AUTS2: variants seen among roughly 807,000 people sequenced by gnomAD.
The protein encoded by AUTS2 is activator of transcription and developmental regulator AUTS2.
A neutral mutation model predicts 112.4 loss-of-function variants in AUTS2; 17 were observed. That is an observed-to-expected ratio of 0.15 (90% CI 0.10 to 0.23). The LOEUF is 0.23. AUTS2 is among the 10% of genes least tolerant of loss of function. The pLI, the probability that AUTS2 is intolerant of heterozygous loss-of-function variation, is 1.00. For missense variants in AUTS2, 1,510 were observed against 1,701.6 expected (o/e 0.89, Z 1.98); for synonymous variants, 751 against 702.7 (o/e 1.07, Z -1.09).
intron 4 of AUTS2, among the ~76,000 whole-genome samples, chr7:70,301,726 A>T (rs1188013344): frequency 2.7e-5 from 2 of 74,750 alleles, no homozygotes; most frequent in East Asian, 3.9e-4. Context: ...CATACATTTA[A>T]AAAAAATGCC....
At chr7:70,230,872 T>C (rs971369730) in intron 4 of AUTS2, among the ~76,000 whole-genome samples, 3 of 152,222 alleles carry the variant, frequency 2.0e-5, no homozygotes, top group Non-Finnish European at 4.4e-5. Context: ...ATACCCTTTG[T>C]CATAGAATTT....
At chr7:70,422,622 C>G (rs1270971653) in intron 4 of AUTS2, among the ~76,000 whole-genome samples, 1 of 152,056 alleles carries the variant, frequency 6.6e-6, no homozygotes, top group African/African-American at 2.4e-5. Context: ...ACTAAAAACA[C>G]AAAACATTAG....
At position 69,846,690 on chromosome 7, in the gene AUTS2, C is replaced by T. The variant is rs1327912357; in HGVS notation, c.310-52596C>T. On this transcript the variant is annotated intron_variant, in intron 1 of 18. Coordinates refer to ENST00000342771, the MANE Select transcript of AUTS2 (RefSeq NM_015570.4). ...TTGGGTTCAAGTAATTCTCATGCCT[C>T]AGCCTTCTGAGTAGCTGGGATTACA... 2.6e-5 allele frequency among the ~76,000 whole-genome samples: 4 copies of T among 152,222 alleles called. No homozygotes were observed. In the East Asian group the frequency reaches 7.7e-4, roughly 29 times the overall value.
At chr7:69,671,480 GCTGC>G (rs1244914790) in intron 1 of AUTS2, among the ~76,000 whole-genome samples, 4 of 124,414 alleles carry the variant, frequency 3.2e-5, no homozygotes, top group African/African-American at 1.2e-4. Flanking sequence ...GGCTGCTGCT[GCTGC>G]TGGTGTGTGT....
chr7:70,366,661 A>G (rs561221031), intron 4 of AUTS2, among the ~76,000 whole-genome samples: 1 of 152,338 alleles, frequency 6.6e-6, no homozygotes, highest in East Asian at 1.9e-4. Flanking sequence ...GAGAGTTGAT[A>G]TTCACCTAGG....
At chr7:69,877,958 G>A (rs1793877400) in intron 1 of AUTS2, among the ~76,000 whole-genome samples, 1 of 152,108 alleles carries the variant, frequency 6.6e-6, no homozygotes, top group Non-Finnish European at 1.5e-5. Context: ...TTTGGTGTAA[G>A]CAGCAGGGAG....
chr7:70,677,793 G>A (rs1394394105), intron 5 of AUTS2, among the ~76,000 whole-genome samples: 1 of 151,586 alleles, frequency 6.6e-6, no homozygotes, highest in African/African-American at 2.4e-5. Context: ...TATAATTTTA[G>A]TAGGTTCTGG....
intron 4 of AUTS2, among the ~76,000 whole-genome samples, chr7:70,427,274 C>T (rs79279779): frequency 0.017 from 2,561 of 152,292 alleles, 74 homozygotes; most frequent in African/African-American, 0.059. Flanking sequence ...TAAAAGAGAT[C>T]ATTTACAAAT....
At chr7:70,020,754 G>A (rs1800234094) in intron 2 of AUTS2, among the ~76,000 whole-genome samples, 1 of 151,862 alleles carries the variant, frequency 6.6e-6, no homozygotes, top group Non-Finnish European at 1.5e-5. Flanking sequence ...CACAATCATA[G>A]CTCACTGCAG....
At chr7:70,217,476 A>T (rs1811229438) in intron 4 of AUTS2, among the ~76,000 whole-genome samples, 1 of 152,204 alleles carries the variant, frequency 6.6e-6, no homozygotes, top group South Asian at 2.1e-4. Context: ...AGTGGCACCC[A>T]CTTTTCATTT....
At chr7:69,784,065 G>A (rs1789259578) in intron 1 of AUTS2, among the ~76,000 whole-genome samples, 1 of 152,146 alleles carries the variant, frequency 6.6e-6, no homozygotes, top group African/African-American at 2.4e-5. Context: ...ATGCTTTTCA[G>A]GGTGAGTAGC....
intron 1 of AUTS2, among the ~76,000 whole-genome samples, chr7:69,869,146 A>G (rs1174668991): frequency 6.6e-6 from 1 of 152,170 alleles, no homozygotes; most frequent in Admixed American, 6.6e-5. Context: ...CGCAAGCGAA[A>G]TATTCTTGGA....
intron 4 of AUTS2, among the ~76,000 whole-genome samples, chr7:70,415,987 C>A (rs1422177315): frequency 1.3e-5 from 2 of 152,190 alleles, no homozygotes; most frequent in Non-Finnish European, 2.9e-5. Flanking sequence ...GAGAGAGAAG[C>A]CCTTCTTTGC....
intron 5 of AUTS2, among the ~76,000 whole-genome samples, chr7:70,560,743 G>A (rs754162744): frequency 2.6e-5 from 4 of 152,292 alleles, no homozygotes; most frequent in African/African-American, 4.8e-5. Flanking sequence ...ACTGCTAGGT[G>A]TCTCCTTTTT....
At chr7:70,380,742 A>C (rs1793329795) in intron 4 of AUTS2, among the ~76,000 whole-genome samples, 1 of 152,230 alleles carries the variant, frequency 6.6e-6, no homozygotes, top group African/African-American at 2.4e-5. Context: ...TGTCTGATTA[A>C]AAACAGGAGG....
At chr7:70,112,549 C>A (rs1048966366) in intron 2 of AUTS2, among the ~76,000 whole-genome samples, 31 of 151,912 alleles carry the variant, frequency 2.0e-4, no homozygotes, top group Admixed American at 2.0e-4. Context: ...CTCCCACCTT[C>A]TTTTGCTTTC....
intron 4 of AUTS2, among the ~76,000 whole-genome samples, chr7:70,341,523 T>C (rs1791264099): frequency 6.6e-6 from 1 of 152,218 alleles, no homozygotes; most frequent in African/African-American, 2.4e-5. Context: ...GACAACTTTC[T>C]CAGATGGGGC....
chr7:70,624,439 G>A (rs775217506), intron 5 of AUTS2, among the ~76,000 whole-genome samples: 1 of 152,174 alleles, frequency 6.6e-6, no homozygotes, highest in Non-Finnish European at 1.5e-5. Context: ...ACCTTATTGT[G>A]TATATCTTTT....
chr7:70,563,876 T>C (rs1170631271), intron 5 of AUTS2, among the ~76,000 whole-genome samples: 1 of 152,240 alleles, frequency 6.6e-6, no homozygotes, highest in Admixed American at 6.5e-5. Context: ...TGCTCCATTT[T>C]TTCCACATTT....
Sources: gnomAD v4.1 joint callset for allele counts (sites outside exome capture counted in the v4.1 genomes callset) on GRCh38, gnomAD v4.1.1 for gene constraint, MANE v1.5 for transcripts, NCBI Gene and HGNC (gene_info 2026-07-23, HGNC 2026-07-21) for gene names.